STK32B: variants seen among roughly 807,000 people sequenced by gnomAD.
STK32B encodes serine/threonine-protein kinase 32B.
Under a neutral mutation model 52.6 loss-of-function variants are expected in STK32B, and 43 were observed. The observed-to-expected ratio is 0.82, with a 90% CI of 0.64 to 1.05. The LOEUF (loss-of-function observed/expected upper bound fraction) is 1.05, where lower values mean the gene tolerates loss of function less well. Ranked by LOEUF, STK32B falls within the 50% of genes least tolerant of loss-of-function variation. The pLI, the probability that STK32B is intolerant of heterozygous loss-of-function variation, is 0.00. For missense variants in STK32B, 621 were observed against 534.6 expected, an observed-to-expected ratio of 1.16 and a Z score of -1.59; for synonymous variants, 238 against 204.3, an observed-to-expected ratio of 1.17 and a Z score of -1.41.
rs1273297476 is a variant in STK32B, at chr4:5,317,035, A to AT, written c.261-14185_261-14184insT. ...ATATAATATATAATATATATGATAT[A>AT]ATATATTATATATATAATATATATG... On this transcript the variant is annotated intron_variant, in intron 3 of 11. Transcript: ENST00000282908. Among the ~76,000 whole-genome samples, 20 of 24,276 alleles carry AT rather than the reference A, an allele frequency of 8.2e-4. 2 individuals carry two copies. In the South Asian group the frequency reaches 0.02, roughly 24 times the overall value. The allele number at this position is 24,276 out of a possible 152,430, so 15.9% of individuals were successfully genotyped here. A position where few individuals can be genotyped will look rare whatever the true frequency, so the allele number is the denominator to read the frequency against.
chr4:5,186,726 AT>A (rs1720768091), intron 3 of STK32B, among the ~76,000 whole-genome samples: 1 of 152,070 alleles, frequency 6.6e-6, no homozygotes, highest in East Asian at 1.9e-4. Context: ...CCTCCTCGAC[AT>A]ACCCATCCCC....
At chr4:5,236,892 C>T (rs546557199) in intron 3 of STK32B, among the ~76,000 whole-genome samples, 42 of 152,222 alleles carry the variant, frequency 2.8e-4, no homozygotes, top group African/African-American at 9.9e-4. Flanking sequence ...TGGAGTTACA[C>T]CCAAATGTAG....
intron 4 of STK32B, among the ~76,000 whole-genome samples, chr4:5,344,126 C>G (rs144264539): frequency 6.6e-6 from 1 of 152,106 alleles, no homozygotes; most frequent in Non-Finnish European, 1.5e-5. Flanking sequence ...GTGCAGGACC[C>G]CGGTAATTCC....
chr4:5,210,850 C>T (rs999970589), intron 3 of STK32B, among the ~76,000 whole-genome samples: 1 of 150,546 alleles, frequency 6.6e-6, no homozygotes, highest in Non-Finnish European at 1.5e-5. Context: ...GGCTGGAATG[C>T]AGTGGTGTGA....
At chr4:5,294,062 T>G (rs1729047950) in intron 3 of STK32B, among the ~76,000 whole-genome samples, 1 of 152,194 alleles carries the variant, frequency 6.6e-6, no homozygotes, top group Non-Finnish European at 1.5e-5. Context: ...CCCCATTGGT[T>G]GTTTTTGTCA....
chr4:5,066,088 T>G (rs1742412997), intron 1 of STK32B, among the ~76,000 whole-genome samples: 1 of 152,186 alleles, frequency 6.6e-6, no homozygotes, highest in Admixed American at 6.5e-5. Flanking sequence ...TGGTTTCCTA[T>G]TTATAATTCC....
chr4:5,114,981 G>T (rs1240134304), intron 1 of STK32B, among the ~76,000 whole-genome samples: 1 of 152,174 alleles, frequency 6.6e-6, no homozygotes, highest in Non-Finnish European at 1.5e-5. Context: ...ACTTTGTAAA[G>T]TTATGGGCTG....
chr4:5,226,503 C>G (rs561316225), intron 3 of STK32B, among the ~76,000 whole-genome samples: 2 of 152,156 alleles, frequency 1.3e-5, no homozygotes, highest in Middle Eastern at 3.2e-3. Flanking sequence ...AAATCTCATG[C>G]CTGCCCCGTC....
At chr4:5,431,564 C>T (rs541402089) in intron 6 of STK32B, among the ~76,000 whole-genome samples, 1 of 151,394 alleles carries the variant, frequency 6.6e-6, no homozygotes, top group South Asian at 2.1e-4. Flanking sequence ...AAGTAGCTTT[C>T]TGATACTGGT....
At chr4:5,298,853 T>C (rs574363894) in intron 3 of STK32B, among the ~76,000 whole-genome samples, 72 of 147,450 alleles carry the variant, frequency 4.9e-4, no homozygotes, top group African/African-American at 1.7e-3. Context: ...AAAAAAAAAC[T>C]CCTGCAGCTA....
intron 4 of STK32B, among the ~76,000 whole-genome samples, chr4:5,361,386 T>A (rs970513200): frequency 2.6e-5 from 4 of 152,352 alleles, no homozygotes; most frequent in Admixed American, 1.3e-4. Flanking sequence ...TTTCTATTTT[T>A]ATTTTTGATT....
chr4:5,415,598 C>T (rs1712094196), intron 5 of STK32B, among the ~76,000 whole-genome samples: 1 of 152,156 alleles, frequency 6.6e-6, no homozygotes, highest in Non-Finnish European at 1.5e-5. Flanking sequence ...CCAGCAAAGA[C>T]CTGGTTGGGT....
chr4:5,305,636 G>A (rs553395731), intron 3 of STK32B, among the ~76,000 whole-genome samples: 250 of 151,890 alleles, frequency 1.6e-3, no homozygotes, highest in Middle Eastern at 3.4e-3. Context: ...TTTATTCATC[G>A]TTTCAAAGAA....
intron 11 of STK32B, among the ~76,000 whole-genome samples, chr4:5,490,065 T>G (rs1222779166): frequency 1.3e-5 from 2 of 151,858 alleles, no homozygotes; most frequent in Non-Finnish European, 2.9e-5. Context: ...TTGAAAAAAA[T>G]GAGATAAGGC....
At chr4:5,493,063 G>A (rs1295937344) in intron 11 of STK32B, among the ~76,000 whole-genome samples, 3 of 151,334 alleles carry the variant, frequency 2.0e-5, no homozygotes, top group Non-Finnish European at 1.5e-5. Flanking sequence ...GTCTCTGCCT[G>A]GCTTTGGTAT....
chr4:5,311,601 C>G (rs1036110271), intron 3 of STK32B, among the ~76,000 whole-genome samples: 9 of 152,116 alleles, frequency 5.9e-5, no homozygotes, highest in African/African-American at 2.2e-4. Context: ...GAAACAGAGG[C>G]TACCAACACA....
intron 6 of STK32B, among the ~76,000 whole-genome samples, chr4:5,423,183 T>C (rs1449146212): frequency 1.3e-5 from 2 of 151,692 alleles, no homozygotes; most frequent in Non-Finnish European, 2.9e-5. Flanking sequence ...AACCGATGAG[T>C]AACAGGAAAG....
chr4:5,059,052 CTTTTTTTTTTTTTT>C (rs3072775), intron 1 of STK32B, among the ~76,000 whole-genome samples: 9 of 86,896 alleles, frequency 1.0e-4, no homozygotes, highest in African/African-American at 3.9e-4. Flanking sequence ...CGCCCAGCTG[CTTTTTTTTTTTTTT>C]TTTTTTTTTT....
chr4:5,190,172 A>G (rs1235697749), intron 3 of STK32B, among the ~76,000 whole-genome samples: 1 of 152,112 alleles, frequency 6.6e-6, no homozygotes, highest in Admixed American at 6.5e-5. Flanking sequence ...AAAAACTGGG[A>G]TTTTGACCTC....
Sources: allele counts gnomAD v4.1 joint callset (sites outside exome capture counted in the v4.1 genomes callset), GRCh38; gene constraint gnomAD v4.1.1; transcripts MANE v1.5; gene names NCBI Gene and HGNC (gene_info 2026-07-23, HGNC 2026-07-21).